HERC4: variants seen among roughly 807,000 people sequenced by gnomAD.
The protein encoded by HERC4 is probable E3 ubiquitin-protein ligase HERC4.
In HERC4, 28 loss-of-function variants were observed where a neutral mutation model predicts 124.3. The ratio of observed to expected loss-of-function variants is 0.23; its 90% CI spans 0.17 to 0.31. HERC4 has a LOEUF of 0.31. Among genes scored for constraint, HERC4 ranks in the 10% least tolerant of loss-of-function variants. HERC4 has a pLI of 1.00. For synonymous variants in HERC4, 407 were observed against 421.5 expected (o/e 0.97, Z 0.42); for missense variants, 713 against 1,229.3 (o/e 0.58, Z 6.28).
intron 19 of HERC4, among the ~76,000 whole-genome samples, chr10:67,952,368 C>T (rs975336134): frequency 6.6e-6 from 1 of 152,030 alleles, no homozygotes; most frequent in Non-Finnish European, 1.5e-5. Context: ...ACTGCAACCT[C>T]CGTCTATTGG....
intron 3 of HERC4, among the ~76,000 whole-genome samples, chr10:68,056,243 T>A (rs958355812): frequency 1.3e-5 from 2 of 152,204 alleles, no homozygotes; most frequent in Admixed American, 1.3e-4. Context: ...AGTTTTAAAT[T>A]TTAAATTTTT....
intron 9 of HERC4, among the ~76,000 whole-genome samples, chr10:68,000,215 C>A (rs2037143939): frequency 6.6e-6 from 1 of 152,070 alleles, no homozygotes; most frequent in African/African-American, 2.4e-5. Context: ...GCTGAGGATA[C>A]CCTCTGTGCA....
At chr10:67,982,431 A>G (rs2035986365) in intron 15 of HERC4, among the ~76,000 whole-genome samples, 1 of 152,220 alleles carries the variant, frequency 6.6e-6, no homozygotes, top group Non-Finnish European at 1.5e-5. Context: ...TGTATGAAGA[A>G]GAATCAAACT....
chr10:68,013,833 T>C (rs2038109894), intron 9 of HERC4, among the ~76,000 whole-genome samples, 193 bp downstream of exon 9: 1 of 152,200 alleles, frequency 6.6e-6, no homozygotes, highest in African/African-American at 2.4e-5. Context: ...AACTTTTACT[T>C]ATCCAGAATT....
intron 9 of HERC4, among the ~76,000 whole-genome samples, chr10:68,001,766 T>G (rs2037247139): frequency 6.6e-6 from 1 of 152,150 alleles, no homozygotes; most frequent in Admixed American, 6.6e-5. Context: ...TCTGTCTCTA[T>G]GAATTTGGTT....
intron 15 of HERC4, among the ~76,000 whole-genome samples, chr10:67,987,722 A>T (rs952025413): frequency 2.0e-4 from 31 of 152,168 alleles, no homozygotes; most frequent in African/African-American, 7.0e-4. Context: ...ACCAAAGAAA[A>T]AAGTAAGTCC....
chr10:68,021,028 T>C (rs2038591466), intron 8 of HERC4, among the ~76,000 whole-genome samples: 1 of 141,414 alleles, frequency 7.1e-6, no homozygotes, highest in Admixed American at 7.1e-5. Context: ...GAGAGACTAT[T>C]TGAAGAAGTA....
chr10:67,997,979 G>A (rs971623507), intron 9 of HERC4, among the ~76,000 whole-genome samples: 5 of 152,058 alleles, frequency 3.3e-5, no homozygotes, highest in South Asian at 2.1e-4. Context: ...TTGGCTCACT[G>A]CAACCGCCTC....
In HERC4 at chr10:67,990,886, A is replaced by AAT. The variant is rs2036515501; in HGVS notation, c.1443+16_1443+17dup. On this transcript the variant is annotated intron_variant, in intron 13 of 24. Transcript: ENST00000373700. The stretch of plus-strand genomic sequence containing the variant: ...AATCAACAGATAATACTGTAAACAT[A>AAT]ATACTTTAAAAACAGACCTGCTGAG... 6.8e-7 allele frequency: 1 copy of AAT among 1,480,998 alleles called. No homozygotes were observed. Among genetic ancestry groups the AAT allele is most frequent in the Non-Finnish European group, 9.3e-7 (1 of 1,072,010 alleles). The allele number at this position is 1,480,998 out of a possible 1,614,324, so 91.7% of individuals were successfully genotyped here. A position where few individuals can be genotyped will look rare whatever the true frequency, so the allele number is the denominator to read the frequency against.
At chr10:68,036,634 A>G (rs1319156179) in intron 5 of HERC4, among the ~76,000 whole-genome samples, 1 of 152,116 alleles carries the variant, frequency 6.6e-6, no homozygotes, top group Non-Finnish European at 1.5e-5. Context: ...CTCCCTCACA[A>G]CACCCACATA....
chr10:67,931,072 G>A (rs1451919357), intron 23 of HERC4, among the ~76,000 whole-genome samples: 1 of 152,006 alleles, frequency 6.6e-6, no homozygotes, highest in African/African-American at 2.4e-5. Flanking sequence ...TGAACCCTCC[G>A]CTTCCCGGGT....
chr10:68,046,132 CAAAAA>C (rs532386531), intron 3 of HERC4, among the ~76,000 whole-genome samples: 3 of 131,794 alleles, frequency 2.3e-5, no homozygotes, highest in African/African-American at 8.2e-5. Context: ...CACACTGTTC[CAAAAA>C]AAAAAAAGAA....
chr10:67,942,252 T>G (rs1589142682), intron 19 of HERC4, among the ~76,000 whole-genome samples: 1 of 152,290 alleles, frequency 6.6e-6, no homozygotes, highest in African/African-American at 2.4e-5. Flanking sequence ...CTCATATGGT[T>G]GTTGTGAGGA....
At chr10:67,978,920 G>A (rs1373792194) in intron 15 of HERC4, among the ~76,000 whole-genome samples, 1 of 152,190 alleles carries the variant, frequency 6.6e-6, no homozygotes, top group Non-Finnish European at 1.5e-5. Flanking sequence ...TACTGGGTGT[G>A]GGGTGCCAAC....
In HERC4 at chr10:67,992,694, A is replaced by G; in HGVS notation, c.1070-12T>C. ...ATATTCTTCAGAATCTGTAATAAAAATGTAAAAAATTAAAAGCCAAGATTT... is the reference window on the plus strand; with the variant it reads ...ATATTCTTCAGAATCTGTAATAAAAGTGTAAAAAATTAAAAGCCAAGATTT... On this transcript the variant is annotated splice_polypyrimidine_tract_variant and intron_variant, in intron 9 of 24. Transcript: ENST00000373700. 3 of 1,371,318 alleles carry G rather than the reference A, an allele frequency of 2.2e-6. No homozygotes were observed. The highest frequency in any genetic ancestry group is 3.0e-6 in the Non-Finnish European group (3 of 987,642). 84.9% of individuals were successfully genotyped at this position (1,371,318 alleles called of 1,614,324 possible).
chr10:68,008,886 C>T (rs1206949399), intron 9 of HERC4, among the ~76,000 whole-genome samples: 1 of 152,084 alleles, frequency 6.6e-6, no homozygotes, highest in African/African-American at 2.4e-5. Context: ...CGCAATAATG[C>T]AAGTCACACA....
At chr10:68,062,840 C>A (rs2041101129) in intron 3 of HERC4, among the ~76,000 whole-genome samples, 1 of 152,138 alleles carries the variant, frequency 6.6e-6, no homozygotes, top group Non-Finnish European at 1.5e-5. Flanking sequence ...TCCCTTTCAA[C>A]CTTTCCTTTA....
At chr10:68,067,570 T>C (rs2041359793) in intron 3 of HERC4, 1 of 152,242 alleles carries the variant, frequency 6.6e-6, no homozygotes, top group African/African-American at 2.4e-5. Context: ...TTTTCCTATA[T>C]TACTTTTTAA....
At chr10:67,993,976 A>G (rs1241069831) in intron 9 of HERC4, 1 of 152,178 alleles carries the variant, frequency 6.6e-6, no homozygotes, top group Non-Finnish European at 1.5e-5. Flanking sequence ...TTCCTTGATT[A>G]TTCCTTACAA....
Sources: gnomAD v4.1 joint callset for allele counts (sites outside exome capture counted in the v4.1 genomes callset) on GRCh38, gnomAD v4.1.1 for gene constraint, MANE v1.5 for transcripts, NCBI Gene and HGNC (gene_info 2026-07-23, HGNC 2026-07-21) for gene names.